IQSEC1: variants seen among roughly 807,000 people sequenced by gnomAD.
IQSEC1 encodes IQ motif and Sec7 domain ArfGEF 1, also known as IQ motif and SEC7 domain-containing protein 1.
In IQSEC1, 31 loss-of-function variants were observed where a neutral mutation model predicts 91.0. The ratio of observed to expected loss-of-function variants is 0.34; its 90% CI spans 0.26 to 0.46. The LOEUF is 0.46. Among genes scored for constraint, IQSEC1 ranks in the 20% least tolerant of loss-of-function variants. The pLI is 1.00. For synonymous variants in IQSEC1, 699 were observed against 662.6 expected, an observed-to-expected ratio of 1.05 and a Z score of -0.84; for missense variants, 1,388 against 1,575.6, an observed-to-expected ratio of 0.88 and a Z score of 2.02.
chr3:13,248,082 C>A (rs563688049), intron 1 of IQSEC1, among the ~76,000 whole-genome samples: 13 of 152,182 alleles, frequency 8.5e-5, no homozygotes, highest in Non-Finnish European at 1.9e-4. Flanking sequence ...GGGGGCATCC[C>A]CCATCCATTC....
intron 1 of IQSEC1, among the ~76,000 whole-genome samples, chr3:13,236,904 C>A (rs894604121): frequency 1.3e-5 from 2 of 152,204 alleles, no homozygotes; most frequent in African/African-American, 2.4e-5. Context: ...AAAATGCCCC[C>A]CTCCAGCCAG....
intron 2 of IQSEC1, among the ~76,000 whole-genome samples, chr3:13,160,960 T>C (rs942939048): frequency 9.2e-5 from 14 of 152,056 alleles, no homozygotes; most frequent in Non-Finnish European, 4.4e-5. Context: ...AAGTGAAGCA[T>C]AAAAGGCCAC....
At chr3:12,906,303 G>A (rs942044504) in intron 12 of IQSEC1, among the ~76,000 whole-genome samples, 2 of 152,134 alleles carry the variant, frequency 1.3e-5, no homozygotes, top group Non-Finnish European at 2.9e-5. Flanking sequence ...GCCGTGGTGA[G>A]TGAGGTGGGG....
exon 1 of IQSEC1, among the ~76,000 whole-genome samples, chr3:13,283,099 C>T (rs1695830083): frequency 6.9e-6 from 1 of 144,436 alleles, no homozygotes; most frequent in South Asian, 2.1e-4. Context: ...CTGCCGCGGC[C>T]CCGCCTCGGC....
chr3:12,915,458 C>T (rs897308676), intron 7 of IQSEC1, 136 bp downstream of exon 7: 1 of 937,974 alleles, frequency 1.1e-6, no homozygotes, highest in Non-Finnish European at 1.6e-6. Flanking sequence ...TCGAAAAAAC[C>T]CCAAGCCCTG....
chr3:13,273,235 G>A (rs1054968663), intron 1 of IQSEC1, among the ~76,000 whole-genome samples: 6 of 152,164 alleles, frequency 3.9e-5, no homozygotes, highest in South Asian at 4.1e-4. Context: ...CCTGGCCACC[G>A]TGCTGCCCAA....
At chr3:12,917,571 T>C (rs1392560136) in intron 6 of IQSEC1, among the ~76,000 whole-genome samples, 1 of 152,250 alleles carries the variant, frequency 6.6e-6, no homozygotes, top group Non-Finnish European at 1.5e-5. Flanking sequence ...TCATGGTCGA[T>C]AGCTCACTTC....
At chr3:13,047,844 T>C (rs1365658379) in intron 1 of IQSEC1, among the ~76,000 whole-genome samples, 1 of 152,130 alleles carries the variant, frequency 6.6e-6, no homozygotes, top group Non-Finnish European at 1.5e-5. Context: ...GGACCCAGAC[T>C]TAACCTCGGG....
At chr3:13,199,393 A>C (rs1576292040) in intron 1 of IQSEC1, among the ~76,000 whole-genome samples, 1 of 152,110 alleles carries the variant, frequency 6.6e-6, no homozygotes, top group Non-Finnish European at 1.5e-5. Context: ...CTCCTAGGGC[A>C]CCCCCTGGGA....
rs951388829 is a variant in IQSEC1 at position 12,935,309 on chromosome 3, G to A, written c.1568+139C>T. 12 of 808,112 alleles carry A rather than the reference G, an allele frequency of 1.5e-5. No homozygotes were observed. The highest frequency in any genetic ancestry group is 3.5e-5 in the South Asian group (2 of 57,754). 50.1% of individuals were successfully genotyped at this position (808,112 alleles called of 1,614,324 possible). On this transcript the variant is annotated intron_variant, in intron 3 of 13. Coordinates refer to ENST00000613206, the MANE Select transcript of IQSEC1 (RefSeq NM_001134382.3). This position sits in a 1 kb window ranked among gnomAD's most constrained non-coding sequence, Gnocchi z 8.0. ...ACAGGCTGGCACCGTCCTAGCCACC[G>A]ACCTTGTGTGGCAGCTTCCTATGCT...
rs35319679 is a variant in IQSEC1 at position 12,920,574 on chromosome 3, G to A, written c.1876C>T (p.Pro626Ser). The change falls in exon 6 of 14, where the codon CCT (proline) becomes TCT (serine). Residue 626 changes from proline (P) to serine (S), a missense_variant. Physicochemically the swap from Pro to Ser is moderately conservative, Grantham distance 74. This residue lies in a region of IQSEC1 where 1,059 missense variants were observed against 1,317.8 expected (regional missense o/e 0.80). Transcript: ENST00000613206. Reference sequence around the variant, plus strand: ...TTCCGGAATTGCCGCACCACCCCAGGGTTGCAGATGCAGTAGCGCTGGCTG... The same window carrying A: ...TTCCGGAATTGCCGCACCACCCCAGAGTTGCAGATGCAGTAGCGCTGGCTG... ...AFSQRYCICN[P>S]GVVRQFRNPD... The A allele has an allele frequency of 0.13, 212,700 of 1,614,000 alleles. 15,681 individuals are homozygous for A. The highest frequency in any genetic ancestry group is 0.15 in the East Asian group (6,747 of 44,886).
At chr3:12,999,321 G>T (rs930885954) in intron 1 of IQSEC1, among the ~76,000 whole-genome samples, 4 of 152,176 alleles carry the variant, frequency 2.6e-5, no homozygotes, top group African/African-American at 9.7e-5. Context: ...GGGACTCCCT[G>T]TCCTTGGGCT....
chr3:13,268,342 A>G (rs990732919), intron 1 of IQSEC1, among the ~76,000 whole-genome samples: 2 of 152,238 alleles, frequency 1.3e-5, no homozygotes, highest in African/African-American at 4.8e-5. Context: ...ATGGGGCTGC[A>G]CAGATAAAAA....
rs536015601 is a variant in IQSEC1 at position 12,898,151 on chromosome 3, G to C, written c.*2832C>G. ...CGGCCTCCTCCTGCCTCCCCTCCCAGGGGATGTGATGACAGGACCCCGAAG... is the reference window on the plus strand; with the variant it reads ...CGGCCTCCTCCTGCCTCCCCTCCCACGGGATGTGATGACAGGACCCCGAAG... On this transcript the variant is annotated 3_prime_UTR_variant, in exon 14 of 14. Transcript: ENST00000613206. 3 of 152,426 alleles carry C rather than the reference G, an allele frequency of 2.0e-5. No individual in the cohort carries two copies. The highest frequency in any genetic ancestry group is 7.2e-5 in the African/African-American group (3 of 41,580). 9.4% of individuals were successfully genotyped at this position (152,426 alleles called of 1,614,324 possible).
At chr3:12,982,692 C>T (rs1185137975) in intron 1 of IQSEC1, among the ~76,000 whole-genome samples, 1 of 152,218 alleles carries the variant, frequency 6.6e-6, no homozygotes, top group African/African-American at 2.4e-5. Context: ...GGGGGGTCCC[C>T]TTTCTAGTCC....
chr3:13,275,399 T>C (rs1213750202), intron 1 of IQSEC1, among the ~76,000 whole-genome samples: 1 of 152,166 alleles, frequency 6.6e-6, no homozygotes, highest in Non-Finnish European at 1.5e-5. Context: ...CTAAAACTGA[T>C]ACCTGGGTTC....
In IQSEC1 at chr3:13,031,558, G is replaced by C. The variant is rs1412618500; in HGVS notation, c.23+41434C>G. 2.6e-5 allele frequency among the ~76,000 whole-genome samples: 4 copies of C among 152,322 alleles called. No homozygotes were observed. The South Asian group carries it at 6.2e-4, about 24-fold the overall frequency. ...CTCCAGGTTTTCTGACCTTTAGAAC[G>C]GTGATCATCTAACCTTTCCCTCGTT... On this transcript the variant is annotated intron_variant, in intron 1 of 13. Coordinates refer to ENST00000613206, the MANE Select transcript of IQSEC1 (RefSeq NM_001134382.3).
chr3:13,022,337 C>T, intron 1 of IQSEC1: 1 of 1,191,436 alleles, frequency 8.4e-7, no homozygotes. Flanking sequence ...GCCTCTGTGC[C>T]CTGGTCCTGT....
At chr3:13,032,249 C>T (rs1022636276) in intron 1 of IQSEC1, among the ~76,000 whole-genome samples, 3 of 152,232 alleles carry the variant, frequency 2.0e-5, no homozygotes, top group Admixed American at 2.0e-4. Flanking sequence ...GACACTGACT[C>T]GGTACTACTC....
Sources: allele counts gnomAD v4.1 joint callset (sites outside exome capture counted in the v4.1 genomes callset), GRCh38; gene constraint gnomAD v4.1.1; regional missense constraint gnomAD v4.1.1; non-coding constraint Gnocchi (gnomAD v3.1); transcripts MANE v1.5; gene names NCBI Gene and HGNC (gene_info 2026-07-23, HGNC 2026-07-21).